Variants in SNX30 observed in about 807,000 individuals in gnomAD.
The protein encoded by SNX30 is sorting nexin-30.
SNX30 carries 24 observed loss-of-function variants against 46.4 expected under a neutral mutation model. The observed-to-expected ratio is 0.52, with a 90% CI of 0.37 to 0.73. The LOEUF (loss-of-function observed/expected upper bound fraction) is 0.73, where lower values mean the gene tolerates loss of function less well. Ranked by LOEUF, SNX30 falls within the 30% of genes least tolerant of loss-of-function variation. SNX30 has a pLI of 0.00. For missense variants in SNX30, 533 were observed against 555.7 expected, an observed-to-expected ratio of 0.96 and a Z score of 0.41; for synonymous variants, 189 against 211.5, an observed-to-expected ratio of 0.89 and a Z score of 0.92.
chr9:112,783,610 G>A (rs894369009), intron 1 of SNX30, among the ~76,000 whole-genome samples: 33 of 152,134 alleles, frequency 2.2e-4, no homozygotes, highest in African/African-American at 7.7e-4. Context: ...CCAGGTTCCC[G>A]GGCAATCAGC....
At chr9:112,804,234 G>T (rs943758901) in intron 1 of SNX30, among the ~76,000 whole-genome samples, 121 of 151,912 alleles carry the variant, frequency 8.0e-4, no homozygotes, top group Non-Finnish European at 1.6e-3. Flanking sequence ...GCGCAGTCTC[G>T]GCTCACTGCA....
chr9:112,750,539 G>C (rs1839246472), upstream of SNX30: 1 of 152,262 alleles, frequency 6.6e-6, no homozygotes, highest in African/African-American at 2.4e-5. Flanking sequence ...TCCGCACGGC[G>C]GCCTCCGCGA....
intron 2 of SNX30, among the ~76,000 whole-genome samples, chr9:112,814,308 T>C (rs1840363768): frequency 6.6e-6 from 1 of 152,238 alleles, no homozygotes; most frequent in African/African-American, 2.4e-5. Context: ...TGGTGCAGTC[T>C]TGGCTAGCTG....
intron 8 of SNX30, chr9:112,866,632 T>G: frequency 1.3e-5 from 6 of 444,890 alleles, no homozygotes; most frequent in South Asian, 9.9e-5. Flanking sequence ...AGGAAGCAAT[T>G]TCACCACTCT....
intron 4 of SNX30, 72 bp from the exon 5 acceptor site, chr9:112,836,142 A>C: frequency 7.2e-7 from 1 of 1,386,264 alleles, no homozygotes; most frequent in Non-Finnish European, 9.8e-7. Flanking sequence ...AGCTGCTTTT[A>C]GAAGCTGTTT....
chr9:112,843,096 T>C (rs1840884203), intron 6 of SNX30, among the ~76,000 whole-genome samples: 1 of 152,198 alleles, frequency 6.6e-6, no homozygotes, highest in African/African-American at 2.4e-5. Flanking sequence ...GCAGTGCCTT[T>C]TGAGTATTAG....
chr9:112,876,515 G>A (rs185892394), downstream of SNX30, among the ~76,000 whole-genome samples: 5 of 152,266 alleles, frequency 3.3e-5, no homozygotes, highest in African/African-American at 4.8e-5. Context: ...ACTTGGTTTC[G>A]CTTTAGGTTT....
intron 2 of SNX30, among the ~76,000 whole-genome samples, chr9:112,815,475 C>G: frequency 6.6e-6 from 1 of 151,950 alleles, no homozygotes; most frequent in Admixed American, 6.5e-5. Flanking sequence ...ATTCTTATGC[C>G]TCAGCTGCCT....
chr9:112,763,070 G>A (rs961464704), intron 1 of SNX30, among the ~76,000 whole-genome samples: 1 of 152,194 alleles, frequency 6.6e-6, no homozygotes, highest in Non-Finnish European at 1.5e-5. Flanking sequence ...ACATGCAGAT[G>A]CTGGTAGGTG....
chr9:112,813,786 T>A lies in SNX30; in HGVS notation c.349-3919T>A, dbSNP rs560392956. On this transcript the variant is annotated intron_variant, in intron 2 of 8. Transcript: ENST00000374232. Reference sequence around the variant, plus strand: ...ACCACTCCTGGCTCTTATCTAAATTTAAAAAAAAAAAAAAAGTCTTACCAA... The same window carrying A: ...ACCACTCCTGGCTCTTATCTAAATTAAAAAAAAAAAAAAAAGTCTTACCAA... 3.1e-3 allele frequency among the ~76,000 whole-genome samples: 446 copies of A among 141,740 alleles called. 1 individual carries two copies. The highest frequency in any genetic ancestry group is 4.5e-3 in the East Asian group (22 of 4,914). 93.0% of individuals were successfully genotyped at this position (141,740 alleles called of 152,430 possible).
intron 3 of SNX30, among the ~76,000 whole-genome samples, chr9:112,825,840 A>T (rs1025526379): frequency 6.6e-6 from 1 of 152,178 alleles, no homozygotes; most frequent in Non-Finnish European, 1.5e-5. Context: ...AACAACCCAG[A>T]CAGTAATAGA....
At chr9:112,882,762 A>G (rs1032824190), downstream of SNX30, among the ~76,000 whole-genome samples, 1 of 152,146 alleles carries the variant, frequency 6.6e-6, no homozygotes, top group African/African-American at 2.4e-5. Context: ...GAGATTGGAA[A>G]GACAGGAGTG....
At chr9:112,781,308 C>T (rs934845690) in intron 1 of SNX30, among the ~76,000 whole-genome samples, 2 of 152,180 alleles carry the variant, frequency 1.3e-5, no homozygotes, top group African/African-American at 4.8e-5. Context: ...CTTTTAAATA[C>T]TGATTTTTCA....
chr9:112,846,413 C>A (rs1319564255), intron 6 of SNX30, among the ~76,000 whole-genome samples: 1 of 152,140 alleles, frequency 6.6e-6, no homozygotes, highest in Non-Finnish European at 1.5e-5. Flanking sequence ...ATCTAACTCG[C>A]AGGTGGTCCT....
At chr9:112,777,600 ATTTTTTTTTTTTT>A (rs55784760) in intron 1 of SNX30, among the ~76,000 whole-genome samples, 1 of 75,592 alleles carries the variant, frequency 1.3e-5, no homozygotes, top group Non-Finnish European at 2.3e-5. Context: ...CTAGTTTTTA[ATTTTTTTTTTTTT>A]TTTTTTTTTT....
At chr9:112,785,074 A>T (rs569691062) in intron 1 of SNX30, among the ~76,000 whole-genome samples, 6 of 152,272 alleles carry the variant, frequency 3.9e-5, no homozygotes, top group African/African-American at 1.4e-4. Context: ...GTGTTGGAAA[A>T]CACCTATGTT....
intron 6 of SNX30, among the ~76,000 whole-genome samples, chr9:112,843,571 G>A (rs1399744451): frequency 6.7e-6 from 1 of 150,142 alleles, no homozygotes; most frequent in Non-Finnish European, 1.5e-5. Flanking sequence ...GTGAGCAAAG[G>A]AGTAAGTGGT....
chr9:112,767,764 TA>T (rs199690866), intron 1 of SNX30, among the ~76,000 whole-genome samples: 3 of 151,626 alleles, frequency 2.0e-5, no homozygotes, highest in Non-Finnish European at 2.9e-5. Context: ...TAATTTTTTT[TA>T]TTTATTTATT....
chr9:112,835,050 T>A (rs1448921722), intron 4 of SNX30, among the ~76,000 whole-genome samples: 1 of 152,188 alleles, frequency 6.6e-6, no homozygotes, highest in East Asian at 1.9e-4. Context: ...AGCCGCACAT[T>A]CCACATTCTC....
Sources: allele counts gnomAD v4.1 joint callset (sites outside exome capture counted in the v4.1 genomes callset), GRCh38; gene constraint gnomAD v4.1.1; transcripts MANE v1.5; gene names NCBI Gene and HGNC (gene_info 2026-07-23, HGNC 2026-07-21).